The following SLC4A10 variants were observed in gnomAD, a reference collection of about 807,000 sequenced individuals.
The protein encoded by SLC4A10 is solute carrier family 4 member 10, also known as sodium-driven chloride bicarbonate exchanger.
Under a neutral mutation model 137.7 loss-of-function variants are expected in SLC4A10, and 42 were observed. The ratio of observed to expected loss-of-function variants is 0.30; its 90% CI spans 0.24 to 0.39. The LOEUF (loss-of-function observed/expected upper bound fraction) is 0.39, where lower values mean the gene tolerates loss of function less well. Among genes scored for constraint, SLC4A10 ranks in the 10% least tolerant of loss-of-function variants. SLC4A10 has a pLI of 1.00. For synonymous variants in SLC4A10, 474 were observed against 464.1 expected, an observed-to-expected ratio of 1.02 and a Z score of -0.27; for missense variants, 925 against 1,355.0, an observed-to-expected ratio of 0.68 and a Z score of 4.98.
intron 1 of SLC4A10, among the ~76,000 whole-genome samples, chr2:161,701,217 A>ACT (rs1051302132): frequency 6.6e-6 from 1 of 151,996 alleles, no homozygotes; most frequent in African/African-American, 2.4e-5. Context: ...AGTCCTTTTG[A>ACT]CAAATAAAGG....
intron 2 of SLC4A10, among the ~76,000 whole-genome samples, chr2:161,777,249 G>C (rs981005382): frequency 6.6e-6 from 1 of 151,644 alleles, no homozygotes; most frequent in Non-Finnish European, 1.5e-5. Context: ...ACATATTCTA[G>C]ACAGTAACCT....
chr2:161,626,573 C>G (rs1167742470), intron 1 of SLC4A10, among the ~76,000 whole-genome samples: 1 of 152,136 alleles, frequency 6.6e-6, no homozygotes, highest in Non-Finnish European at 1.5e-5. Flanking sequence ...TGCTGAATTA[C>G]TGGTCCAGTT....
chr2:161,706,233 T>C (rs2043648521), intron 1 of SLC4A10, among the ~76,000 whole-genome samples: 1 of 151,622 alleles, frequency 6.6e-6, no homozygotes, highest in Non-Finnish European at 1.5e-5. Flanking sequence ...TTATATATAC[T>C]AATTAATAAC....
At chr2:161,949,320 T>G in intron 18 of SLC4A10, 59 bp downstream of exon 18, 4 of 1,090,278 alleles carry the variant, frequency 3.7e-6, no homozygotes, top group Non-Finnish European at 5.6e-6. Context: ...ATTTAGATGA[T>G]ACCTATAACT....
chr2:161,737,259 T>C (rs532270426), intron 1 of SLC4A10, among the ~76,000 whole-genome samples: 48 of 152,282 alleles, frequency 3.2e-4, no homozygotes, highest in African/African-American at 9.4e-4. Flanking sequence ...GTTTAATAGG[T>C]GGTCTTTTTA....
At chr2:161,753,612 C>T (rs2049236024) in intron 1 of SLC4A10, among the ~76,000 whole-genome samples, 1 of 152,028 alleles carries the variant, frequency 6.6e-6, no homozygotes, top group Admixed American at 6.6e-5. Flanking sequence ...CTAATATTGT[C>T]ATAGCTATTA....
chr2:161,737,261 G>A (rs931853651), intron 1 of SLC4A10, among the ~76,000 whole-genome samples: 1 of 152,140 alleles, frequency 6.6e-6, no homozygotes, highest in African/African-American at 2.4e-5. Context: ...TTAATAGGTG[G>A]TCTTTTTAAC....
chr2:161,901,533 T>G (rs1683115450), intron 12 of SLC4A10, among the ~76,000 whole-genome samples: 1 of 152,196 alleles, frequency 6.6e-6, no homozygotes, highest in Non-Finnish European at 1.5e-5. Context: ...CATGGTTTTT[T>G]TGACAGCTTG....
chr2:161,758,717 T>C (rs1377128640), intron 1 of SLC4A10, among the ~76,000 whole-genome samples: 1 of 151,932 alleles, frequency 6.6e-6, no homozygotes, highest in African/African-American at 2.4e-5. Context: ...TGATGGAGAG[T>C]GTAGAACTTG....
At chr2:161,844,268 C>G (rs1415947099) in intron 4 of SLC4A10, among the ~76,000 whole-genome samples, 1 of 152,104 alleles carries the variant, frequency 6.6e-6, no homozygotes, top group African/African-American at 2.4e-5. Flanking sequence ...GCTGTGAAGG[C>G]ATTTGATCTT....
At chr2:161,688,974 C>CA (rs1178744791) in intron 1 of SLC4A10, among the ~76,000 whole-genome samples, 4 of 150,504 alleles carry the variant, frequency 2.7e-5, no homozygotes, top group African/African-American at 7.3e-5. Flanking sequence ...TAGTTCTTAA[C>CA]AAAAAATATG....
chr2:161,858,337 C>G (rs573178557), intron 5 of SLC4A10, among the ~76,000 whole-genome samples: 2 of 151,976 alleles, frequency 1.3e-5, no homozygotes, highest in Admixed American at 1.3e-4. Flanking sequence ...TTAACAGACT[C>G]GGATAATTCC....
intron 4 of SLC4A10, among the ~76,000 whole-genome samples, chr2:161,842,353 A>G (rs1320708862): frequency 3.3e-5 from 5 of 152,140 alleles, no homozygotes; most frequent in Non-Finnish European, 7.4e-5. Flanking sequence ...AAATTATCAA[A>G]CTGCTTAAAA....
intron 1 of SLC4A10, among the ~76,000 whole-genome samples, chr2:161,660,661 C>CTTCTTTCTTTCTTTCTTTCTTTT (rs1558970156): frequency 7.7e-6 from 1 of 130,008 alleles, no homozygotes; most frequent in African/African-American, 3.4e-5. Flanking sequence ...TCTTTCTTTC[C>CTTCTTTCTTTCTTTCTTTCTTTT]TTTTTTTTTT....
chr2:161,856,358 A>AACACACACACACACACAC (rs55983659), intron 5 of SLC4A10, among the ~76,000 whole-genome samples: 18 of 141,930 alleles, frequency 1.3e-4, no homozygotes, highest in African/African-American at 4.2e-4. Flanking sequence ...AAAATACTAA[A>AACACACACACACACACAC]ACACACACAC....
intron 6 of SLC4A10, among the ~76,000 whole-genome samples, chr2:161,868,502 G>A (rs1020245493): frequency 6.6e-6 from 1 of 151,294 alleles, no homozygotes; most frequent in Middle Eastern, 3.5e-3. Context: ...AAAATTCATG[G>A]TCTATAATAA....
intron 1 of SLC4A10, among the ~76,000 whole-genome samples, chr2:161,725,208 T>C (rs893671663): frequency 2.6e-5 from 4 of 152,164 alleles, no homozygotes; most frequent in Non-Finnish European, 4.4e-5. Context: ...TTTTAGATTT[T>C]ACATTTAACT....
At chr2:161,721,829 T>C (rs2045715825) in intron 1 of SLC4A10, among the ~76,000 whole-genome samples, 1 of 152,196 alleles carries the variant, frequency 6.6e-6, no homozygotes. Context: ...CCCCAATCCG[T>C]CATAGTTTGG....
At chr2:161,933,191 CTTTCTTTCTTTCTT>C (rs1219758061) in intron 15 of SLC4A10, among the ~76,000 whole-genome samples, 13 of 48,130 alleles carry the variant, frequency 2.7e-4, no homozygotes, top group Non-Finnish European at 4.8e-4. Context: ...TCTTTTCTTT[CTTTCTTTCTTTCTT>C]TCTTTCTTTC....
Sources: allele counts gnomAD v4.1 joint callset (sites outside exome capture counted in the v4.1 genomes callset), GRCh38; gene constraint gnomAD v4.1.1; transcripts MANE v1.5; gene names NCBI Gene and HGNC (gene_info 2026-07-23, HGNC 2026-07-21).